The following DMD variants were observed in gnomAD, a reference collection of about 807,000 sequenced individuals.
The protein encoded by DMD is dystrophin.
A neutral mutation model predicts 330.1 loss-of-function variants in DMD; 63 were observed. That is an observed-to-expected ratio of 0.19 (90% CI 0.16 to 0.24). The LOEUF is 0.24. Ranked by LOEUF, DMD falls within the 10% of genes least tolerant of loss-of-function variation. The pLI is 1.00. For missense variants in DMD, 3,344 were observed against 2,684.1 expected, an observed-to-expected ratio of 1.25 and a Z score of -5.43; for synonymous variants, 1,223 against 959.8, an observed-to-expected ratio of 1.27 and a Z score of -5.07.
chrX:31,951,128 T>TATATAC (rs1557025289), intron 45 of DMD, among the ~76,000 whole-genome samples: 208 of 79,593 alleles, frequency 2.6e-3, no homozygotes, highest in African/African-American at 8.8e-3. Flanking sequence ...TATACATATA[T>TATATAC]ATATATATAT....
At chrX:33,156,730 G>A (rs1344508479) in intron 1 of DMD, among the ~76,000 whole-genome samples, 4 of 111,520 alleles carry the variant, frequency 3.6e-5, no homozygotes, top group East Asian at 2.8e-4. Flanking sequence ...ACAGTATATC[G>A]AAATACGCTA....
chrX:33,276,703 C>T (rs1228621105), intron 1 of DMD, among the ~76,000 whole-genome samples: 3 of 111,714 alleles, frequency 2.7e-5, no homozygotes, highest in Non-Finnish European at 5.6e-5. Flanking sequence ...GGGTGAGCAT[C>T]AATATTATAT....
chrX:32,727,125 T>C (rs1225657379), intron 7 of DMD, among the ~76,000 whole-genome samples: 2 of 111,103 alleles, frequency 1.8e-5, no homozygotes, highest in Admixed American at 9.6e-5. Context: ...CTTTAATAAT[T>C]ATAATAGACT....
At chrX:33,222,606 CTTATATGTAGATGGCA>C (rs766426290) in intron 1 of DMD, among the ~76,000 whole-genome samples, 2 of 111,674 alleles carry the variant, frequency 1.8e-5, no homozygotes, top group Admixed American at 9.5e-5. Context: ...AAAATTGTCC[CTTATATGTAGATGGCA>C]TGAAAATAAA....
chrX:32,331,692 C>T (rs1162038417), intron 41 of DMD, among the ~76,000 whole-genome samples: 1 of 111,181 alleles, frequency 9.0e-6, no homozygotes, highest in Non-Finnish European at 1.9e-5. Flanking sequence ...TCTAACAGAG[C>T]CATAATCTAA....
chrX:32,791,708 A>C (rs780829652), intron 7 of DMD, among the ~76,000 whole-genome samples: 1 of 112,265 alleles, frequency 8.9e-6, no homozygotes, highest in Non-Finnish European at 1.9e-5. Context: ...AAATTTTAAA[A>C]AAATGAGCAA....
At chrX:32,806,894 A>T in intron 7 of DMD, among the ~76,000 whole-genome samples, 1 of 110,133 alleles carries the variant, frequency 9.1e-6, no homozygotes, top group Non-Finnish European at 1.9e-5. Context: ...TTTGAAACCA[A>T]TGAGAACAAA....
chrX:31,275,729 T>A (rs1362422398), intron 62 of DMD, among the ~76,000 whole-genome samples: 1 of 111,356 alleles, frequency 9.0e-6, no homozygotes, highest in Non-Finnish European at 1.9e-5. Flanking sequence ...AAGTCTGAAC[T>A]AAGAAAGGAG....
chrX:33,221,147 G>T (rs747746053), intron 1 of DMD, among the ~76,000 whole-genome samples: 1 of 111,505 alleles, frequency 9.0e-6, no homozygotes, highest in Non-Finnish European at 1.9e-5. Flanking sequence ...GAACTGGGCC[G>T]TGGAATAAAT....
intron 44 of DMD, among the ~76,000 whole-genome samples, chrX:32,085,251 T>C (rs1803153131): frequency 9.0e-6 from 1 of 111,143 alleles, no homozygotes; most frequent in South Asian, 3.8e-4. Context: ...TATATGCATA[T>C]GTATGTATGC....
chrX:32,518,849 A>C (rs12013084), intron 17 of DMD, among the ~76,000 whole-genome samples: 2 of 110,318 alleles, frequency 1.8e-5, no homozygotes, highest in African/African-American at 3.3e-5. Context: ...AGTTGATGCC[A>C]CATAGAGAAA....
At chrX:31,515,507 A>T (rs1164527254) in intron 55 of DMD, among the ~76,000 whole-genome samples, 1 of 110,801 alleles carries the variant, frequency 9.0e-6, no homozygotes, top group Non-Finnish European at 1.9e-5. Flanking sequence ...GTTCCTCCTT[A>T]CTGATAATTT....
chrX:32,224,503 T>C lies in DMD; in HGVS notation c.6291-7440A>G, dbSNP rs185011282. Among the ~76,000 whole-genome samples, 587 of 111,725 alleles carry C rather than the reference T, an allele frequency of 5.3e-3. 2 individuals are homozygous for C. The highest frequency in any genetic ancestry group is 0.017 in the African/African-American group (528 of 30,807). ...TGAACAGCAGAAAAATAAAAGTGTG[T>C]GCAGTGAAAAGCATCTGTCCCAATT... is the stretch of plus-strand genomic sequence containing the variant. On this transcript the variant is annotated intron_variant, in intron 43 of 78. Coordinates refer to ENST00000357033, the MANE Select transcript of DMD (RefSeq NM_004006.3).
Position 31,875,307 on chromosome X carries a change from C to T in DMD, c.6979G>A (p.Glu2327Lys). The change falls in exon 48 of 79, where the codon GAA becomes AAA. Residue 2327 changes from glutamate (E) to lysine (K), a missense_variant. Transcript: ENST00000357033. The part of the protein sequence containing the change: ...EAQIKDLGQL[E>K]KKLEDLEEQL... The stretch of plus-strand genomic sequence containing the variant: ...TCTTCAAGGTCTTCAAGCTTTTTTT[C>T]AAGCTGCCCAAGGTCTTTTATTTGA... The T allele has an allele frequency of 8.3e-7, 1 of 1,205,267 alleles. No homozygotes were observed. Among genetic ancestry groups the T allele is most frequent in the Non-Finnish European group, 1.1e-6 (1 of 891,486 alleles).
intron 43 of DMD, among the ~76,000 whole-genome samples, chrX:32,263,333 C>T (rs1303909983): frequency 9.0e-6 from 1 of 111,570 alleles, no homozygotes; most frequent in Non-Finnish European, 1.9e-5. Flanking sequence ...CTATTGAGGA[C>T]GCTGGCATGT....
intron 25 of DMD, among the ~76,000 whole-genome samples, chrX:32,455,893 C>T (rs1417915728): frequency 9.0e-6 from 1 of 111,107 alleles, no homozygotes; most frequent in Non-Finnish European, 1.9e-5. Flanking sequence ...AAACTTTCTA[C>T]AATGGACTCC....
chrX:33,131,875 A>G (rs998489258), intron 1 of DMD, among the ~76,000 whole-genome samples: 2 of 112,143 alleles, frequency 1.8e-5, no homozygotes, highest in African/African-American at 6.5e-5. Flanking sequence ...TTCAGGGGAA[A>G]GCGTATCAAT....
At chrX:32,674,162 T>A (rs1423321734) in intron 9 of DMD, among the ~76,000 whole-genome samples, 1 of 112,039 alleles carries the variant, frequency 8.9e-6, no homozygotes, top group Non-Finnish European at 1.9e-5. Flanking sequence ...AATATCTGTT[T>A]CAATTTGGTT....
intron 44 of DMD, among the ~76,000 whole-genome samples, chrX:32,198,103 A>T (rs59384399): frequency 0.032 from 3,631 of 111,740 alleles, 136 homozygotes; most frequent in African/African-American, 0.11. Context: ...ATGAAAGGGG[A>T]TGTATGCATT....
Sources: allele counts gnomAD v4.1 joint callset (sites outside exome capture counted in the v4.1 genomes callset), GRCh38; gene constraint gnomAD v4.1.1; transcripts MANE v1.5; gene names NCBI Gene and HGNC (gene_info 2026-07-23, HGNC 2026-07-21).